The following HHLA1 variants were observed in gnomAD, a reference collection of about 807,000 sequenced individuals.
HHLA1 encodes HHLA1 neighbor of OC90.
In HHLA1, 72 loss-of-function variants were observed where a neutral mutation model predicts 69.9. That is an observed-to-expected ratio of 1.03 (90% CI 0.85 to 1.25). HHLA1 has a LOEUF of 1.25. Among genes scored for constraint, HHLA1 ranks in the 50% most tolerant of loss-of-function variants. The pLI is 0.00. For synonymous variants in HHLA1, 252 were observed against 233.2 expected, an observed-to-expected ratio of 1.08 and a Z score of -0.73; for missense variants, 685 against 642.2, an observed-to-expected ratio of 1.07 and a Z score of -0.72.
chr8:132,080,243 T>C (rs1048969251), intron 10 of HHLA1: 33 of 488,720 alleles, frequency 6.8e-5, no homozygotes, highest in African/African-American at 4.7e-4. Flanking sequence ...AAATTTCATG[T>C]GCGTCCGTGT....
chr8:132,095,329 C>T (rs1824005183), intron 7 of HHLA1, among the ~76,000 whole-genome samples, 190 bp downstream of exon 7: 1 of 152,194 alleles, frequency 6.6e-6, no homozygotes, highest in African/African-American at 2.4e-5. Flanking sequence ...AACAATGCTT[C>T]ATGAACATTT....
chr8:132,076,818 G>C (rs1295265471), intron 12 of HHLA1, among the ~76,000 whole-genome samples: 2 of 152,154 alleles, frequency 1.3e-5, no homozygotes, highest in African/African-American at 4.8e-5. Flanking sequence ...GCACAGGAGA[G>C]CGATGGTGTT....
chr8:132,077,719 C>G lies in HHLA1; in HGVS notation c.1171+7G>C, dbSNP rs757730171. ...CGGGAGAGGTAGAAGTGAGCACCCT[C>G]TCTTACCCAAGGTAGGGCTGGCCTG... On this transcript the variant is annotated splice_region_variant and intron_variant, in intron 12 of 16. Transcript: ENST00000414222. The G allele has an allele frequency of 6.4e-7, 1 of 1,551,306 alleles. No homozygotes were observed. Among genetic ancestry groups the G allele is most frequent in the Non-Finnish European group, 8.7e-7 (1 of 1,146,656 alleles).
At chr8:132,096,057 C>A (rs997156369) in intron 5 of HHLA1, among the ~76,000 whole-genome samples, 1 of 152,228 alleles carries the variant, frequency 6.6e-6, no homozygotes, top group Non-Finnish European at 1.5e-5. Context: ...GCATATTAGG[C>A]CCCTGAGGCT....
Position 132,089,508 on chromosome 8 carries a change from G to A in HHLA1, c.532+8C>T. 6.8e-7 allele frequency: 1 copy of A among 1,462,848 alleles called. No individual in the cohort carries two copies. Among genetic ancestry groups the A allele is most frequent in the African/African-American group, 1.4e-5 (1 of 71,396 alleles). The allele number at this position is 1,462,848 out of a possible 1,614,324, so 90.6% of individuals were successfully genotyped here. A position where few individuals can be genotyped will look rare whatever the true frequency, so the allele number is the denominator to read the frequency against. On this transcript the variant is annotated splice_region_variant and intron_variant, in intron 8 of 16. Transcript: ENST00000414222. The stretch of plus-strand genomic sequence containing the variant: ...AAAGTTGCCAAAGCGTTTTCAAGAT[G>A]AACACACCTGAGAGGATGGAGGTTG...
intron 3 of HHLA1, among the ~76,000 whole-genome samples, chr8:132,103,584 C>G (rs1156753384): frequency 2.6e-5 from 4 of 152,094 alleles, no homozygotes; most frequent in Admixed American, 6.6e-5. Flanking sequence ...TGCCACCTGA[C>G]TCCCATCTGG....
At chr8:132,088,736 G>T (rs968128085) in intron 8 of HHLA1, among the ~76,000 whole-genome samples, 1 of 152,204 alleles carries the variant, frequency 6.6e-6, no homozygotes, top group African/African-American at 2.4e-5. Flanking sequence ...AGATCACCTG[G>T]TTTAGAATTC....
intron 10 of HHLA1, 21 bp from the exon 11 acceptor site, chr8:132,079,987 G>A (rs1446009658): frequency 1.3e-6 from 2 of 1,552,196 alleles, no homozygotes; most frequent in Non-Finnish European, 1.7e-6. Context: ...GCAGTCAATG[G>A]TAACATTAAC....
chr8:132,093,057 T>C (rs1162420297), intron 7 of HHLA1, among the ~76,000 whole-genome samples: 4 of 152,168 alleles, frequency 2.6e-5, no homozygotes, highest in Non-Finnish European at 5.9e-5. Flanking sequence ...CACCCTGTAT[T>C]CTAAATAATG....
intron 1 of HHLA1, among the ~76,000 whole-genome samples, chr8:132,108,791 G>A (rs2436104): frequency 0.47 from 71,200 of 151,702 alleles, 16,829 homozygotes; most frequent in Non-Finnish European, 0.5. Context: ...CCAAGAAGAA[G>A]ACGGAAAGTG....
chr8:132,064,735 G>A (rs1277864533), intron 16 of HHLA1, among the ~76,000 whole-genome samples: 1 of 152,210 alleles, frequency 6.6e-6, no homozygotes, highest in African/African-American at 2.4e-5. Flanking sequence ...GAGAGCTACT[G>A]AGTGATAAGT....
intron 15 of HHLA1, among the ~76,000 whole-genome samples, chr8:132,068,804 T>C (rs959548275): frequency 2.0e-5 from 3 of 152,144 alleles, no homozygotes; most frequent in Non-Finnish European, 4.4e-5. Flanking sequence ...GACTGTGGCT[T>C]TGTTATCCTG....
intron 10 of HHLA1, chr8:132,080,262 C>A (rs1331707472): frequency 2.3e-6 from 1 of 441,076 alleles, no homozygotes; most frequent in South Asian, 1.9e-5. Context: ...GTGAAGAGAC[C>A]ACCAAACAGG....
chr8:132,080,870 T>C (rs1823740576), intron 10 of HHLA1: 1 of 151,820 alleles, frequency 6.6e-6, no homozygotes, highest in Non-Finnish European at 1.5e-5. Context: ...GGTCTTGTGG[T>C]AAGGGGTGAT....
chr8:132,079,700 G>A lies in HHLA1; in HGVS notation c.925+18C>T. On this transcript the variant is annotated intron_variant, in intron 11 of 16. Transcript: ENST00000414222. ...CGAGACATAGCAAAGGGGAGGAAAGGGTGAGAATGCATCTTACCCAAGGCT... is the reference window on the plus strand; with the variant it reads ...CGAGACATAGCAAAGGGGAGGAAAGAGTGAGAATGCATCTTACCCAAGGCT... 6.5e-7 allele frequency: 1 copy of A among 1,532,558 alleles called. No individual in the cohort carries two copies. The highest frequency in any genetic ancestry group is 8.8e-7 in the Non-Finnish European group (1 of 1,138,378). The allele number at this position is 1,532,558 out of a possible 1,614,324, so 94.9% of individuals were successfully genotyped here.
chr8:132,106,619 C>T (rs531232172), intron 1 of HHLA1, among the ~76,000 whole-genome samples: 11 of 152,370 alleles, frequency 7.2e-5, no homozygotes, highest in African/African-American at 2.6e-4. Context: ...GTTATGCTCA[C>T]AATCCATACC....
intron 14 of HHLA1, among the ~76,000 whole-genome samples, chr8:132,072,457 G>T (rs1030318284): frequency 6.6e-6 from 1 of 152,018 alleles, no homozygotes; most frequent in African/African-American, 2.4e-5. Flanking sequence ...TTAAAAATTT[G>T]TTGAGCTCCA....
chr8:132,106,301 C>A (rs948447313), intron 1 of HHLA1, among the ~76,000 whole-genome samples: 1 of 152,178 alleles, frequency 6.6e-6, no homozygotes, highest in Non-Finnish European at 1.5e-5. Flanking sequence ...TTGAGAAGTT[C>A]TGCTGTCCAT....
At chr8:132,078,746 A>G (rs529167970) in intron 11 of HHLA1, among the ~76,000 whole-genome samples, 82 of 152,290 alleles carry the variant, frequency 5.4e-4, no homozygotes, top group African/African-American at 1.0e-3. Context: ...GAACATTTAT[A>G]GAGCTGTGTT....
Sources: allele counts gnomAD v4.1 joint callset (sites outside exome capture counted in the v4.1 genomes callset), GRCh38; gene constraint gnomAD v4.1.1; transcripts MANE v1.5; gene names NCBI Gene and HGNC (gene_info 2026-07-23, HGNC 2026-07-21).